The following ASXL3 variants were observed in gnomAD, a reference collection of about 807,000 sequenced individuals.
ASXL3 encodes the protein putative Polycomb group protein ASXL3.
ASXL3 carries 34 observed loss-of-function variants against 170.6 expected under a neutral mutation model. The ratio of observed to expected loss-of-function variants is 0.20; its 90% CI spans 0.15 to 0.27. ASXL3 has a LOEUF of 0.27. Ranked by LOEUF, ASXL3 falls within the 10% of genes least tolerant of loss-of-function variation. The probability of loss-of-function intolerance (pLI) is 1.00; values close to 1 mark genes in which losing one functional copy is unlikely to be tolerated. For missense variants in ASXL3, 2,592 were observed against 2,695.3 expected, an observed-to-expected ratio of 0.96 and a Z score of 0.85; for synonymous variants, 1,002 against 989.1, an observed-to-expected ratio of 1.01 and a Z score of -0.24.
At chr18:33,740,533 CTTCT>C in intron 11 of ASXL3, 90 bp downstream of exon 11, 1 of 1,284,290 alleles carries the variant, frequency 7.8e-7, no homozygotes, top group African/African-American at 1.5e-5. Context: ...GATTTTCTTC[CTTCT>C]AGGTTTTATG....
At chr18:33,641,928 G>A (rs558201427) in intron 2 of ASXL3, 2 of 152,184 alleles carry the variant, frequency 1.3e-5, no homozygotes, top group African/African-American at 4.8e-5. Context: ...TCTAAATTCC[G>A]ACTGAGGTGA....
chr18:33,579,739 T>C (rs1180017562), intron 1 of ASXL3, among the ~76,000 whole-genome samples: 1 of 152,178 alleles, frequency 6.6e-6, no homozygotes, highest in East Asian at 1.9e-4. Context: ...GGGTTTTGGC[T>C]GCATAAATTA....
At chr18:33,615,334 A>G (rs1599398676) in intron 2 of ASXL3, among the ~76,000 whole-genome samples, 1 of 151,828 alleles carries the variant, frequency 6.6e-6, no homozygotes, top group Non-Finnish European at 1.5e-5. Flanking sequence ...CGGCTTCCTT[A>G]CCTCTCCTAG....
chr18:33,624,996 T>C (rs1302143425), intron 2 of ASXL3, among the ~76,000 whole-genome samples: 2 of 152,190 alleles, frequency 1.3e-5, no homozygotes, highest in Admixed American at 1.3e-4. Flanking sequence ...AAATTGCACA[T>C]ACATACACTA....
At chr18:33,732,683 C>T (rs1236388834) in intron 9 of ASXL3, among the ~76,000 whole-genome samples, 1 of 151,964 alleles carries the variant, frequency 6.6e-6, no homozygotes, top group African/African-American at 2.4e-5. Context: ...GGTGAAACTC[C>T]ATGTCTACAA....
At chr18:33,653,621 A>G (rs2066035353) in intron 4 of ASXL3, among the ~76,000 whole-genome samples, 1 of 152,018 alleles carries the variant, frequency 6.6e-6, no homozygotes, top group Non-Finnish European at 1.5e-5. Context: ...CCCCCAGATT[A>G]TACAGTTCAC....
chr18:33,651,829 G>C (rs2066003732), intron 4 of ASXL3, among the ~76,000 whole-genome samples: 1 of 152,040 alleles, frequency 6.6e-6, no homozygotes, highest in Admixed American at 6.6e-5. Context: ...GGGATCAACT[G>C]GGCAGGGAAA....
intron 1 of ASXL3, among the ~76,000 whole-genome samples, chr18:33,583,446 A>G (rs758164305): frequency 2.2e-4 from 34 of 152,166 alleles, no homozygotes; most frequent in African/African-American, 6.3e-4. Flanking sequence ...TCATTTCTTT[A>G]TATCTATATC....
chr18:33,726,783 A>G (rs1332021171), intron 8 of ASXL3, among the ~76,000 whole-genome samples: 1 of 152,106 alleles, frequency 6.6e-6, no homozygotes, highest in Non-Finnish European at 1.5e-5. Flanking sequence ...CTTTGGACCA[A>G]CACCCTCCAA....
At chr18:33,728,891 C>T (rs571514374) in intron 8 of ASXL3, among the ~76,000 whole-genome samples, 52 of 152,220 alleles carry the variant, frequency 3.4e-4, no homozygotes, top group Non-Finnish European at 6.2e-4. Context: ...AAATTTGATA[C>T]GTTTCCCACT....
At chr18:33,599,112 A>T (rs1014305095) in intron 1 of ASXL3, among the ~76,000 whole-genome samples, 4 of 152,196 alleles carry the variant, frequency 2.6e-5, no homozygotes, top group Non-Finnish European at 5.9e-5. Context: ...GTAAAATACA[A>T]GAGTGTATTG....
At chr18:33,666,043 G>A (rs147505004) in intron 5 of ASXL3, among the ~76,000 whole-genome samples, 1 of 152,184 alleles carries the variant, frequency 6.6e-6, no homozygotes, top group African/African-American at 2.4e-5. Context: ...TAACACCATC[G>A]ATATTGAAAT....
intron 5 of ASXL3, among the ~76,000 whole-genome samples, chr18:33,665,722 G>T (rs2066245214): frequency 1.3e-5 from 2 of 152,084 alleles, no homozygotes; most frequent in African/African-American, 2.4e-5. Context: ...TATCTAACAG[G>T]CTTTCTGTCT....
At chr18:33,645,813 C>A (rs954242815) in intron 3 of ASXL3, among the ~76,000 whole-genome samples, 1 of 151,812 alleles carries the variant, frequency 6.6e-6, no homozygotes, top group Admixed American at 6.6e-5. Context: ...AGCTACTAAG[C>A]ATCAGGCTGT....
intron 2 of ASXL3, among the ~76,000 whole-genome samples, chr18:33,635,266 T>A (rs956930417): frequency 2.0e-5 from 3 of 152,236 alleles, no homozygotes; most frequent in Non-Finnish European, 4.4e-5. Flanking sequence ...ACAAGTCATA[T>A]AAGCTCTCTC....
intron 10 of ASXL3, among the ~76,000 whole-genome samples, chr18:33,736,930 T>A (rs1599560330): frequency 6.6e-6 from 1 of 152,180 alleles, no homozygotes. Flanking sequence ...TTTAATAATA[T>A]TATTAACCAA....
chr18:33,655,237 T>C (rs1299610302), intron 4 of ASXL3, among the ~76,000 whole-genome samples: 3 of 152,052 alleles, frequency 2.0e-5, no homozygotes, highest in Non-Finnish European at 4.4e-5. Flanking sequence ...TTCCTCTTGG[T>C]TTATTTTGCA....
intron 9 of ASXL3, among the ~76,000 whole-genome samples, chr18:33,733,061 GA>G (rs2067478865): frequency 1.3e-5 from 2 of 151,934 alleles, no homozygotes; most frequent in Non-Finnish European, 2.9e-5. Context: ...CTTTCATCAG[GA>G]TCTCCTATTC....
chr18:33,711,315 C>A (rs1481488024), intron 8 of ASXL3, among the ~76,000 whole-genome samples: 3 of 152,074 alleles, frequency 2.0e-5, no homozygotes, highest in African/African-American at 7.2e-5. Context: ...GATGAATATT[C>A]TTCTCATTTA....
Sources: allele counts gnomAD v4.1 joint callset (sites outside exome capture counted in the v4.1 genomes callset), GRCh38; gene constraint gnomAD v4.1.1; transcripts MANE v1.5; gene names NCBI Gene and HGNC (gene_info 2026-07-23, HGNC 2026-07-21).